Variants in CSMD1 observed in about 807,000 individuals in gnomAD.
The protein encoded by CSMD1 is CUB and Sushi multiple domains 1, also known as CUB and sushi domain-containing protein 1.
CSMD1 carries 213 observed loss-of-function variants against 417.5 expected under a neutral mutation model. The ratio of observed to expected loss-of-function variants is 0.51; its 90% CI spans 0.46 to 0.57. The LOEUF is 0.57. Ranked by LOEUF, CSMD1 falls within the 20% of genes least tolerant of loss-of-function variation. The probability of loss-of-function intolerance (pLI) is 0.00; values close to 1 mark genes in which losing one functional copy is unlikely to be tolerated. For missense variants in CSMD1, 6,923 were observed against 4,529.7 expected, an observed-to-expected ratio of 1.53 and a Z score of -15.17; for synonymous variants, 2,862 against 1,736.8, an observed-to-expected ratio of 1.65 and a Z score of -16.11.
chr8:3,483,438 A>C (rs1301040815), intron 11 of CSMD1, among the ~76,000 whole-genome samples: 1 of 152,064 alleles, frequency 6.6e-6, no homozygotes, highest in Non-Finnish European at 1.5e-5. Flanking sequence ...AACCAAGATA[A>C]AACAGACAAT....
At chr8:3,796,050 A>G (rs1346018257) in intron 5 of CSMD1, among the ~76,000 whole-genome samples, 25 of 53,320 alleles carry the variant, frequency 4.7e-4, no homozygotes, top group Non-Finnish European at 6.2e-4. Flanking sequence ...TATCTATCAT[A>G]GATATAGATA....
intron 47 of CSMD1, among the ~76,000 whole-genome samples, chr8:3,096,512 G>A (rs1182857102): frequency 1.3e-5 from 2 of 152,196 alleles, no homozygotes; most frequent in East Asian, 1.9e-4. Context: ...TGTAAAATGT[G>A]ACTTGCTCCT....
intron 2 of CSMD1, among the ~76,000 whole-genome samples, chr8:4,521,329 G>T (rs1488378009): frequency 6.6e-6 from 1 of 152,156 alleles, no homozygotes; most frequent in Non-Finnish European, 1.5e-5. Context: ...GAAATGGGAA[G>T]ATGAGCTGGG....
rs1358338694 is a variant in CSMD1, at chr8:4,638,065, T to G, written c.86-507A>C. Among the ~76,000 whole-genome samples, 6 of 152,152 alleles carry G rather than the reference T, an allele frequency of 3.9e-5. No individual in the cohort carries two copies. The South Asian group carries it at 1.0e-3, about 26-fold the overall frequency. ...TGAAAGATAGAGGACAACAACAAATTAAAAGAAAATATGCAACATTTTGTA... is the reference window on the plus strand; with the variant it reads ...TGAAAGATAGAGGACAACAACAAATGAAAAGAAAATATGCAACATTTTGTA... On this transcript the variant is annotated intron_variant, in intron 1 of 69. Coordinates refer to ENST00000635120, the MANE Select transcript of CSMD1 (RefSeq NM_033225.6).
At chr8:4,653,070 T>G (rs558787368) in intron 1 of CSMD1, among the ~76,000 whole-genome samples, 1 of 151,954 alleles carries the variant, frequency 6.6e-6, no homozygotes, top group Non-Finnish European at 1.5e-5. Flanking sequence ...GGGACCCCGC[T>G]CTAGAGGATG....
At chr8:3,721,983 G>T (rs990178986) in intron 6 of CSMD1, among the ~76,000 whole-genome samples, 1 of 152,048 alleles carries the variant, frequency 6.6e-6, no homozygotes, top group Admixed American at 6.6e-5. Context: ...CTGTCCCCAA[G>T]CCCCCCACAA....
chr8:4,203,739 C>T lies in CSMD1; in HGVS notation c.416-171640G>A, dbSNP rs77205965. On this transcript the variant is annotated intron_variant, in intron 3 of 69. Transcript: ENST00000635120. ...ATACACATCTGCACACATATGTACACGCACATATACATATAGACATTTGCA... is the reference window on the plus strand; with the variant it reads ...ATACACATCTGCACACATATGTACATGCACATATACATATAGACATTTGCA... 3.1e-3 allele frequency among the ~76,000 whole-genome samples: 467 copies of T among 152,174 alleles called. 2 individuals carry two copies. The highest frequency in any genetic ancestry group is 0.011 in the African/African-American group (444 of 41,516).
intron 2 of CSMD1, among the ~76,000 whole-genome samples, chr8:4,453,814 C>CTGTTTTTTTT (rs1799299534): frequency 4.4e-5 from 3 of 67,726 alleles, no homozygotes; most frequent in African/African-American, 5.7e-5. Flanking sequence ...CAATTCGTTT[C>CTGTTTTTTTT]TTTTTTTTTT....
intron 1 of CSMD1, among the ~76,000 whole-genome samples, chr8:4,899,942 C>T (rs977768218): frequency 1.3e-5 from 2 of 152,098 alleles, no homozygotes; most frequent in African/African-American, 4.8e-5. Context: ...TCACAGTAGG[C>T]CTTTAAGAAA....
intron 3 of CSMD1, among the ~76,000 whole-genome samples, chr8:4,383,230 T>C (rs1347263392): frequency 6.6e-6 from 1 of 152,216 alleles, no homozygotes; most frequent in Admixed American, 6.5e-5. Flanking sequence ...ATGGTGGTTT[T>C]GGAAGTAGAT....
intron 1 of CSMD1, among the ~76,000 whole-genome samples, chr8:4,808,727 T>G (rs538537635): frequency 9.2e-5 from 14 of 152,174 alleles, no homozygotes; most frequent in South Asian, 4.1e-4. Context: ...ACTCAGAAAG[T>G]TTGCCTAATG....
At chr8:3,986,362 A>G (rs371178424) in intron 5 of CSMD1, among the ~76,000 whole-genome samples, 2 of 152,086 alleles carry the variant, frequency 1.3e-5, no homozygotes, top group African/African-American at 4.8e-5. Context: ...GAGCACTGAG[A>G]CACCCCCAGC....
intron 1 of CSMD1, among the ~76,000 whole-genome samples, chr8:4,704,057 G>A (rs1374864319): frequency 6.6e-6 from 1 of 152,190 alleles, no homozygotes; most frequent in Non-Finnish European, 1.5e-5. Context: ...TGGTTCCCTG[G>A]CTGCTCACCT....
intron 1 of CSMD1, among the ~76,000 whole-genome samples, chr8:4,659,778 T>A (rs1021356821): frequency 6.6e-6 from 1 of 152,152 alleles, no homozygotes; most frequent in East Asian, 1.9e-4. Flanking sequence ...TGAGAATGCT[T>A]AATTTATATT....
At chr8:4,815,867 G>A (rs1799176926) in intron 1 of CSMD1, among the ~76,000 whole-genome samples, 1 of 152,052 alleles carries the variant, frequency 6.6e-6, no homozygotes, top group Non-Finnish European at 1.5e-5. Context: ...TTTAAAGAGT[G>A]GGACTGCTTT....
chr8:3,603,362 C>T (rs987554733), intron 8 of CSMD1, among the ~76,000 whole-genome samples: 3 of 152,086 alleles, frequency 2.0e-5, no homozygotes, highest in African/African-American at 7.2e-5. Flanking sequence ...TGGACAATGG[C>T]AGGGGACTTA....
intron 3 of CSMD1, among the ~76,000 whole-genome samples, chr8:4,132,588 A>G (rs762137369): frequency 1.3e-5 from 2 of 152,192 alleles, no homozygotes; most frequent in Non-Finnish European, 2.9e-5. Flanking sequence ...TACATCATCA[A>G]TGGCTGATAA....
Position 4,994,527 on chromosome 8 carries a change from C to T in CSMD1, c.-111G>A, listed in dbSNP as rs1257491841. The stretch of plus-strand genomic sequence containing the variant: ...GGCAAGGCGAGCCGGAGAGAGAGCC[C>T]GGTCCCAAGACCCGCCGCGCATCCG... On this transcript the variant is annotated 5_prime_UTR_variant, in exon 1 of 70. Coordinates refer to ENST00000635120, the MANE Select transcript of CSMD1 (RefSeq NM_033225.6). 2 of 995,708 alleles carry T rather than the reference C, an allele frequency of 2.0e-6. No homozygotes were observed. The highest frequency in any genetic ancestry group is 3.0e-6 in the Non-Finnish European group (2 of 663,984). 61.7% of individuals were successfully genotyped at this position (995,708 alleles called of 1,614,324 possible). A position where few individuals can be genotyped will look rare whatever the true frequency, so the allele number is the denominator to read the frequency against.
intron 54 of CSMD1, among the ~76,000 whole-genome samples, chr8:2,988,057 A>G (rs969123021): frequency 6.6e-6 from 1 of 152,206 alleles, no homozygotes; most frequent in Non-Finnish European, 1.5e-5. Context: ...TTATTAAAAT[A>G]ACTATTTTAG....
Sources: allele counts gnomAD v4.1 joint callset (sites outside exome capture counted in the v4.1 genomes callset), GRCh38; gene constraint gnomAD v4.1.1; transcripts MANE v1.5; gene names NCBI Gene and HGNC (gene_info 2026-07-23, HGNC 2026-07-21).